The following LILRA6 variants were observed in gnomAD, a reference collection of about 807,000 sequenced individuals.
The protein encoded by LILRA6 is leukocyte immunoglobulin-like receptor subfamily A member 6.
A neutral mutation model predicts 53.9 loss-of-function variants in LILRA6; 16 were observed. The ratio of observed to expected loss-of-function variants is 0.30; its 90% CI spans 0.20 to 0.45. LILRA6 has a LOEUF of 0.45. Ranked by LOEUF, LILRA6 falls within the 20% of genes least tolerant of loss-of-function variation. The pLI is 1.00. For missense variants in LILRA6, 306 were observed against 618.6 expected (o/e 0.49, Z 5.36); for synonymous variants, 135 against 256.4 (o/e 0.53, Z 4.52).
chr19:54,238,942 C>G (rs1361361217), exon 8 of LILRA6: 4 of 1,610,144 alleles, frequency 2.5e-6, no homozygotes. Flanking sequence ...GTGCATTGTC[C>G]TCTCCGCTGT....
exon 8 of LILRA6, chr19:54,239,044 C>T (rs905700584): frequency 6.2e-7 from 1 of 1,611,436 alleles, no homozygotes; most frequent in Admixed American, 1.7e-5. Context: ...GCCTGCCATG[C>T]CCATGCGGAT....
downstream of LILRA6, chr19:54,238,213 A>T: frequency 6.7e-6 from 1 of 150,374 alleles, no homozygotes; most frequent in African/African-American, 2.5e-5. Flanking sequence ...AATGTTTTGT[A>T]TTTTTAGTAG....
chr19:54,237,701 A>G (rs1237507869), downstream of LILRA6: 2 of 150,850 alleles, frequency 1.3e-5, no homozygotes, highest in African/African-American at 2.5e-5. Flanking sequence ...CCTCCCTAGA[A>G]AATAAATGCT....
At chr19:54,239,345 G>A (rs2078686153) in intron 7 of LILRA6, 5 of 1,131,498 alleles carry the variant, frequency 4.4e-6, no homozygotes, top group East Asian at 2.8e-5. Flanking sequence ...GCCTCATGAC[G>A]TGGCTTTTAC....
At chr19:54,239,315 C>A in intron 7 of LILRA6, 1 of 1,366,050 alleles carries the variant, frequency 7.3e-7, no homozygotes, top group South Asian at 1.5e-5. Flanking sequence ...CCCCTGGGCT[C>A]TGCGTTCTTA....
At chr19:54,239,378 C>A in intron 7 of LILRA6, 2 of 791,972 alleles carry the variant, frequency 2.5e-6, no homozygotes, top group Non-Finnish European at 3.8e-6. Context: ...TAAACCCTCC[C>A]TCTCCTGCAG....
chr19:54,237,142 CA>C (rs2078650309), downstream of LILRA6: 1 of 150,886 alleles, frequency 6.6e-6, no homozygotes, highest in South Asian at 2.1e-4. Context: ...GCTGGTGGAT[CA>C]CCTTAGGTCA....
Position 54,238,879 on chromosome 19 carries a change from C to T in LILRA6, c.*74G>A, listed in dbSNP as rs949903980. On this transcript the variant is annotated 3_prime_UTR_variant, in exon 8 of 8. Transcript: ENST00000396365. Reference sequence around the variant, plus strand: ...CCTCTGGAGGTCCTAGATTGTCCTCCAGAGCCTTCTGGGATCATCAGATCT... The same window carrying T: ...CCTCTGGAGGTCCTAGATTGTCCTCTAGAGCCTTCTGGGATCATCAGATCT... 122 of 1,575,188 alleles carry T rather than the reference C, an allele frequency of 7.7e-5. 6 individuals are homozygous for T. In the African/African-American group the frequency reaches 1.6e-3, roughly 20 times the overall value.
chr19:54,240,875 GA>G lies in LILRA6; in HGVS notation c.910del (p.Ser304ProfsTer10). 1 of 1,613,980 alleles carries G rather than the reference GA, an allele frequency of 6.2e-7. No homozygotes were observed. ...GGGGTCGCTGGGGGCCGACCACTCG[GA>G]GGAGAGGTTGTGTGCACCATAGCAC... On this transcript the variant is annotated frameshift_variant, in exon 5 of 8. Transcript: ENST00000396365. LOFTEE classifies it high-confidence loss of function.
At chr19:54,238,917 C>T in exon 8 of LILRA6, 7 of 1,604,696 alleles carry the variant, frequency 4.4e-6, no homozygotes, top group Non-Finnish European at 6.0e-6. Context: ...CCCTGAGGCT[C>T]CACCACGCTG....
chr19:54,239,586 GCC>G (rs2147511094), intron 7 of LILRA6: 1 of 1,082,546 alleles, frequency 9.2e-7, no homozygotes, highest in African/African-American at 1.7e-5. Context: ...CAGGGTCAGG[GCC>G]CTCACCTGAG....
intron 4 of LILRA6, 182 bp downstream of exon 4, chr19:54,241,394 G>A: frequency 9.6e-7 from 1 of 1,042,254 alleles, no homozygotes; most frequent in East Asian, 2.6e-5. Flanking sequence ...TCCCCGTTCA[G>A]GTGAGCGTGG....
chr19:54,239,868 G>C (rs1479782760), intron 7 of LILRA6, 33 bp downstream of exon 7: 1 of 1,551,770 alleles, frequency 6.4e-7, no homozygotes, highest in African/African-American at 1.4e-5. Flanking sequence ...CCCTGGGGGA[G>C]GCGGCGCTCC....
chr19:54,239,217 T>C, intron 7 of LILRA6, 128 bp from the exon 8 acceptor site: 1 of 1,556,666 alleles, frequency 6.4e-7, no homozygotes, highest in Non-Finnish European at 8.7e-7. Flanking sequence ...GCCCGCCCCA[T>C]AACTGTCTGA....
intron 7 of LILRA6, chr19:54,239,645 G>A (rs2078693930): frequency 1.4e-6 from 2 of 1,457,952 alleles, no homozygotes; most frequent in South Asian, 1.3e-5. Flanking sequence ...GGGGTTGAGG[G>A]GCTGGTCCTC....
exon 8 of LILRA6, chr19:54,239,061 C>G (rs897280090): frequency 1.4e-5 from 22 of 1,611,356 alleles, no homozygotes; most frequent in Non-Finnish European, 1.8e-5. Flanking sequence ...GGATGAGATT[C>G]TCCACTGTGT....
At chr19:54,240,877 G>A (rs535739178) in exon 5 of LILRA6, 7 of 1,613,414 alleles carry the variant, frequency 4.3e-6, no homozygotes, top group Non-Finnish European at 5.1e-6. Flanking sequence ...ACCACTCGGA[G>A]GAGAGGTTGT....
exon 4 of LILRA6, chr19:54,241,808 G>T (rs541027743): frequency 7.6e-7 from 1 of 1,311,668 alleles, no homozygotes; most frequent in Non-Finnish European, 1.1e-6. Context: ...AGCCACATTG[G>T]AGGGTCATAT....
downstream of LILRA6, chr19:54,238,190 ACCACG>A (rs1242938660): frequency 6.6e-6 from 1 of 150,500 alleles, no homozygotes. Context: ...GGCACCTGCC[ACCACG>A]CCCAGCTAAT....
Sources: gnomAD v4.1 joint callset for allele counts on GRCh38, gnomAD v4.1.1 for gene constraint, MANE v1.5 for transcripts, NCBI Gene and HGNC (gene_info 2026-07-23, HGNC 2026-07-21) for gene names.